CAMK2G: variants seen among roughly 807,000 people sequenced by gnomAD.
CAMK2G encodes the protein calcium/calmodulin-dependent protein kinase type II subunit gamma.
A neutral mutation model predicts 88.7 loss-of-function variants in CAMK2G; 23 were observed. The ratio of observed to expected loss-of-function variants is 0.26; its 90% CI spans 0.19 to 0.37. The LOEUF (loss-of-function observed/expected upper bound fraction) is 0.37, where lower values mean the gene tolerates loss of function less well. Among genes scored for constraint, CAMK2G ranks in the 10% least tolerant of loss-of-function variants. The pLI is 1.00. For synonymous variants in CAMK2G, 263 were observed against 294.8 expected, an observed-to-expected ratio of 0.89 and a Z score of 1.11; for missense variants, 476 against 780.8, an observed-to-expected ratio of 0.61 and a Z score of 4.65.
chr10:73,828,000 G>T, intron 15 of CAMK2G, 89 bp downstream of exon 15: 1 of 1,015,464 alleles, frequency 9.8e-7, no homozygotes, highest in Non-Finnish European at 1.6e-6. Context: ...GATGAGTGAG[G>T]CACACGCACG....
At position 73,821,780 on chromosome 10, in the gene CAMK2G, A is replaced by G; in HGVS notation, c.1201-50T>C. ...CTATATGCTCCATCCCTTGGAAGCC[A>G]GAGGAGCAAAGCAGAACAAAAGCAG... On this transcript the variant is annotated intron_variant, in intron 17 of 22. Coordinates refer to ENST00000423381, the MANE Select transcript of CAMK2G (RefSeq NM_001367534.1). 12 of 1,452,778 alleles carry G rather than the reference A, an allele frequency of 8.3e-6. 1 individual carries two copies. In the South Asian group the frequency reaches 1.4e-4, roughly 17 times the overall value. 90.0% of individuals were successfully genotyped at this position (1,452,778 alleles called of 1,614,324 possible). A position where few individuals can be genotyped will look rare whatever the true frequency, so the allele number is the denominator to read the frequency against.
At chr10:73,870,321 G>A (rs183241703) in intron 2 of CAMK2G, among the ~76,000 whole-genome samples, 263 of 152,282 alleles carry the variant, frequency 1.7e-3, no homozygotes, top group Non-Finnish European at 3.3e-3. Context: ...ACGGAGTGAC[G>A]TTATGTGACT....
chr10:73,826,055 GC>G (rs1218161691), intron 15 of CAMK2G, among the ~76,000 whole-genome samples: 2 of 152,170 alleles, frequency 1.3e-5, no homozygotes, highest in Non-Finnish European at 2.9e-5. Context: ...CCAGAATCCA[GC>G]CCCCAGGACA....
chr10:73,831,991 T>C (rs1350728015), intron 14 of CAMK2G, among the ~76,000 whole-genome samples: 2 of 151,224 alleles, frequency 1.3e-5, no homozygotes, highest in Non-Finnish European at 2.9e-5. Context: ...GCTCAAGCAA[T>C]CCTCCCACCT....
At chr10:73,822,794 C>T (rs552034652) in intron 17 of CAMK2G, among the ~76,000 whole-genome samples, 2 of 152,284 alleles carry the variant, frequency 1.3e-5, no homozygotes, top group African/African-American at 4.8e-5. Context: ...GATATCACCT[C>T]CTGAAAGAAG....
intron 3 of CAMK2G, among the ~76,000 whole-genome samples, chr10:73,860,371 A>C (rs1357080679): frequency 6.6e-6 from 1 of 152,060 alleles, no homozygotes; most frequent in Non-Finnish European, 1.5e-5. Context: ...GGCTCTGGGG[A>C]ATACAAATGG....
intron 13 of CAMK2G, 104 bp from the exon 14 acceptor site, chr10:73,837,615 G>A: frequency 1.1e-6 from 1 of 921,048 alleles, no homozygotes; most frequent in Non-Finnish European, 1.8e-6. Flanking sequence ...TGACAAGGGG[G>A]CCAAGGGTCT....
chr10:73,815,744 T>C, intron 21 of CAMK2G: 4 of 922,168 alleles, frequency 4.3e-6, no homozygotes, highest in Non-Finnish European at 5.2e-6. Flanking sequence ...CCATTCAAAA[T>C]TGATTTGTAA....
chr10:73,848,011 G>A lies in CAMK2G; in HGVS notation c.673C>T (p.Gln225Ter). ...ACATCATAGGCTCCAGCCTTGATCT[G>A]CTGATACAGCTTGTGCTGATCCTCA... Reference protein sequence around the residue: ...WDEDQHKLYQQIKAGAYDFPS... With the variant: ...WDEDQHKLYQ Residue 225 changes from glutamine (Q) to a stop codon, truncating the protein, a stop_gained, in exon 9 of 23, where the codon CAG becomes TAG. Transcript: ENST00000423381. LOFTEE classifies it high-confidence loss of function. The surrounding 1 kb of genome is among the most constrained non-coding windows in gnomAD (Gnocchi z 4.5). The A allele has an allele frequency of 6.2e-7, 1 of 1,611,094 alleles. No individual in the cohort carries two copies. The highest frequency in any genetic ancestry group is 8.5e-7 in the Non-Finnish European group (1 of 1,177,430).
intron 6 of CAMK2G, 29 bp from the exon 7 acceptor site, chr10:73,849,144 A>T: frequency 6.3e-7 from 1 of 1,595,444 alleles, no homozygotes; most frequent in Non-Finnish European, 8.6e-7. Flanking sequence ...GAACCTTGTG[A>T]GCACCCACCC....
chr10:73,860,078 C>T (rs1472196275), intron 3 of CAMK2G, among the ~76,000 whole-genome samples: 1 of 152,216 alleles, frequency 6.6e-6, no homozygotes, highest in African/African-American at 2.4e-5. Context: ...GGGGCTTCTG[C>T]TCAGACACTG....
chr10:73,842,156 T>G lies in CAMK2G; in HGVS notation c.946+13A>C, dbSNP rs755253972. ...CCTCGGCATAATCAAAGTACACAGC[T>G]GGGAAAACATACCTGAGAAGTTCCT... On this transcript the variant is annotated intron_variant, in intron 12 of 22. Transcript: ENST00000423381. This position sits in a 1 kb window ranked among gnomAD's most constrained non-coding sequence, Gnocchi z 4.6. The G allele has an allele frequency of 1.2e-6, 2 of 1,607,472 alleles. No homozygotes were observed. Among genetic ancestry groups the G allele is most frequent in the East Asian group, 4.5e-5 (2 of 44,852 alleles).
chr10:73,835,770 A>G (rs745877403), intron 14 of CAMK2G, among the ~76,000 whole-genome samples: 6 of 152,332 alleles, frequency 3.9e-5, no homozygotes, highest in African/African-American at 1.2e-4. Context: ...ATCAATATGT[A>G]TAAGAGAACC....
Position 73,852,240 on chromosome 10 carries a change from G to A in CAMK2G, c.341+14C>T, listed in dbSNP as rs1400896637. ...CTCCAGAGCTACATTTGAACTCTCG[G>A]GCCCTCATCCTACCTGGCATCTGCT... On this transcript the variant is annotated intron_variant, in intron 5 of 22. Coordinates refer to ENST00000423381, the MANE Select transcript of CAMK2G (RefSeq NM_001367534.1). 1 of 1,609,040 alleles carries A rather than the reference G, an allele frequency of 6.2e-7. No homozygotes were observed. The highest frequency in any genetic ancestry group is 2.2e-5 in the East Asian group (1 of 44,850).
At position 73,819,658 on chromosome 10, in the gene CAMK2G, G is replaced by C. The variant is rs1040666568; in HGVS notation, c.1250-13C>G. ...CGGAGCGGGGCAGCTAGCCAGCCAGGGCAGGGCAGGGCAGGGCAAGGCAGA... is the reference window on the plus strand; with the variant it reads ...CGGAGCGGGGCAGCTAGCCAGCCAGCGCAGGGCAGGGCAGGGCAAGGCAGA... On this transcript the variant is annotated splice_polypyrimidine_tract_variant and intron_variant, in intron 18 of 22. Transcript: ENST00000423381. 1.0e-5 allele frequency: 15 copies of C among 1,441,820 alleles called. No individual in the cohort carries two copies. The highest frequency in any genetic ancestry group is 1.4e-5 in the Non-Finnish European group (15 of 1,064,310). The allele number at this position is 1,441,820 out of a possible 1,614,324, so 89.3% of individuals were successfully genotyped here.
At chr10:73,857,228 C>A (rs116400486) in intron 3 of CAMK2G, among the ~76,000 whole-genome samples, 2 of 152,136 alleles carry the variant, frequency 1.3e-5, no homozygotes, top group Non-Finnish European at 2.9e-5. Context: ...TGAACTGAGT[C>A]GAGGCTGGGG....
At position 73,829,700 on chromosome 10, in the gene CAMK2G, GGTGTGTGT is replaced by G. The variant is rs60725888; in HGVS notation, c.1054-1587_1054-1580del. 9.4e-5 allele frequency among the ~76,000 whole-genome samples: 13 copies of G among 138,440 alleles called. No individual in the cohort carries two copies. The South Asian group carries it at 1.6e-3, about 18-fold the overall frequency. The allele number at this position is 138,440 out of a possible 152,430, so 90.8% of individuals were successfully genotyped here. A position where few individuals can be genotyped will look rare whatever the true frequency, so the allele number is the denominator to read the frequency against. ...TTATATTCATATATATAAGTAGTGG[GGTGTGTGT>G]GTGTGTGTGTGTGTGTGTGTGTGTG... is the stretch of plus-strand genomic sequence containing the variant. On this transcript the variant is annotated intron_variant, in intron 14 of 22. Coordinates refer to ENST00000423381, the MANE Select transcript of CAMK2G (RefSeq NM_001367534.1).
chr10:73,822,237 G>A (rs1473795852), intron 17 of CAMK2G, among the ~76,000 whole-genome samples: 3 of 152,084 alleles, frequency 2.0e-5, no homozygotes, highest in Non-Finnish European at 2.9e-5. Context: ...GCATGATCTC[G>A]GCTCACTGCA....
chr10:73,855,277 C>T (rs1023951983), intron 3 of CAMK2G, among the ~76,000 whole-genome samples: 1 of 152,198 alleles, frequency 6.6e-6, no homozygotes, highest in African/African-American at 2.4e-5. Flanking sequence ...TCCAAAAGGA[C>T]TTTCCATTTA....
Sources: allele counts gnomAD v4.1 joint callset (sites outside exome capture counted in the v4.1 genomes callset), GRCh38; gene constraint gnomAD v4.1.1; non-coding constraint Gnocchi (gnomAD v3.1); transcripts MANE v1.5; gene names NCBI Gene and HGNC (gene_info 2026-07-23, HGNC 2026-07-21).